TLN2: variants seen among roughly 807,000 people sequenced by gnomAD.
TLN2 encodes talin 2, also known as talin-2.
TLN2 carries 118 observed loss-of-function variants against 294.7 expected under a neutral mutation model. The observed-to-expected ratio is 0.40, with a 90% CI of 0.34 to 0.47. The LOEUF is 0.47. Among genes scored for constraint, TLN2 ranks in the 20% least tolerant of loss-of-function variants. TLN2 has a pLI of 0.84. For missense variants in TLN2, 3,083 were observed against 3,282.2 expected (o/e 0.94, Z 1.48); for synonymous variants, 1,431 against 1,304.5 (o/e 1.10, Z -2.09).
chr15:62,499,244 TC>T (rs2140425724), intron 1 of TLN2, among the ~76,000 whole-genome samples: 1 of 151,800 alleles, frequency 6.6e-6, no homozygotes, highest in Admixed American at 6.6e-5. Flanking sequence ...AGCTCAGGAG[TC>T]CAAGATCAGC....
chr15:62,500,207 G>A (rs1303394098), intron 1 of TLN2, among the ~76,000 whole-genome samples: 3 of 152,056 alleles, frequency 2.0e-5, no homozygotes, highest in Admixed American at 6.6e-5. Flanking sequence ...GTGTGGTGGC[G>A]CATGCCTGTA....
chr15:62,404,413 A>T (rs2033248152), intron 1 of TLN2, among the ~76,000 whole-genome samples: 1 of 151,912 alleles, frequency 6.6e-6, no homozygotes, highest in African/African-American at 2.4e-5. Flanking sequence ...TTGGTGAATC[A>T]CTCATCCCCA....
chr15:62,650,450 C>T (rs1003276928), intron 5 of TLN2, among the ~76,000 whole-genome samples: 1 of 152,116 alleles, frequency 6.6e-6, no homozygotes, highest in Non-Finnish European at 1.5e-5. Flanking sequence ...AGATAAGATA[C>T]AGCATCTTAC....
intron 1 of TLN2, among the ~76,000 whole-genome samples, chr15:62,484,506 A>G (rs1595908617): frequency 6.6e-6 from 1 of 151,608 alleles, no homozygotes; most frequent in Non-Finnish European, 1.5e-5. Context: ...GCTCACTGCA[A>G]CCTCCACCTC....
In TLN2 at chr15:62,752,302, C is replaced by T. The variant is rs2061981330; in HGVS notation, c.4210-3C>T. 1 of 1,613,804 alleles carries T rather than the reference C, an allele frequency of 6.2e-7. No homozygotes were observed. Among genetic ancestry groups the T allele is most frequent in the Middle Eastern group, 1.7e-4 (1 of 6,060 alleles). ...AGAATGTTGCTGGCCGTTTGTTTTG[C>T]AGGTTCTGGGTGAATCGATGGCAGG... On this transcript the variant is annotated splice_region_variant and splice_polypyrimidine_tract_variant and intron_variant, in intron 34 of 58. Coordinates refer to ENST00000636159, the MANE Select transcript of TLN2 (RefSeq NM_015059.3).
At chr15:62,674,541 C>T (rs1375509640) in intron 10 of TLN2, among the ~76,000 whole-genome samples, 3 of 145,270 alleles carry the variant, frequency 2.1e-5, no homozygotes, top group South Asian at 2.2e-4. Context: ...AGAGCCAAGA[C>T]GGAGTGCAAT....
intron 1 of TLN2, among the ~76,000 whole-genome samples, chr15:62,473,230 GC>G (rs1224799081): frequency 6.6e-6 from 1 of 152,118 alleles, no homozygotes. Context: ...TCCTTGTCAG[GC>G]CCCACCCCTT....
chr15:62,816,413 C>A (rs1435755771), intron 52 of TLN2, among the ~76,000 whole-genome samples: 1 of 152,336 alleles, frequency 6.6e-6, no homozygotes, highest in South Asian at 2.1e-4. Flanking sequence ...ACTGGCAGAG[C>A]TTTAATTTGG....
At chr15:62,565,484 A>G (rs992788422) in intron 1 of TLN2, among the ~76,000 whole-genome samples, 1 of 152,226 alleles carries the variant, frequency 6.6e-6, no homozygotes, top group Non-Finnish European at 1.5e-5. Flanking sequence ...AAGAGCAGCA[A>G]TTAACATACC....
At chr15:62,768,615 T>C (rs2063165056) in intron 41 of TLN2, among the ~76,000 whole-genome samples, 1 of 152,242 alleles carries the variant, frequency 6.6e-6, no homozygotes, top group African/African-American at 2.4e-5. Flanking sequence ...GACCTAGGAA[T>C]GAACGTTATG....
At chr15:62,430,139 A>G (rs1488749091) in intron 1 of TLN2, among the ~76,000 whole-genome samples, 1 of 152,248 alleles carries the variant, frequency 6.6e-6, no homozygotes, top group African/African-American at 2.4e-5. Context: ...CTGTGTTTAC[A>G]TATTCTGAAC....
At chr15:62,653,861 G>C (rs529428874) in intron 7 of TLN2, among the ~76,000 whole-genome samples, 35 of 151,734 alleles carry the variant, frequency 2.3e-4, no homozygotes, top group African/African-American at 8.2e-4. Flanking sequence ...TTTTTTAATA[G>C]TGTGAACTGG....
intron 30 of TLN2, among the ~76,000 whole-genome samples, 195 bp from the exon 31 acceptor site, chr15:62,739,153 A>G (rs2061183525): frequency 6.6e-6 from 1 of 152,214 alleles, no homozygotes; most frequent in South Asian, 2.1e-4. Context: ...TGTTTGATAC[A>G]TTTAAATGAA....
intron 1 of TLN2, among the ~76,000 whole-genome samples, chr15:62,427,117 T>C (rs1270860022): frequency 6.6e-6 from 1 of 152,124 alleles, no homozygotes; most frequent in Admixed American, 6.5e-5. Context: ...TTGGCCTGGG[T>C]ACTTCAGTGG....
At chr15:62,497,828 G>C (rs980329270) in intron 1 of TLN2, among the ~76,000 whole-genome samples, 1 of 152,058 alleles carries the variant, frequency 6.6e-6, no homozygotes, top group Non-Finnish European at 1.5e-5. Flanking sequence ...CCATGGTGGG[G>C]TTTTGGCTGC....
chr15:62,542,230 C>T (rs368035800), intron 1 of TLN2, among the ~76,000 whole-genome samples: 1 of 152,050 alleles, frequency 6.6e-6, no homozygotes, highest in Admixed American at 6.6e-5. Flanking sequence ...CTCGCTCTTT[C>T]GCCCAGGCTG....
rs188672638 is a variant in TLN2 at position 62,556,716 on chromosome 15, T to A, written c.-237-32971T>A. ...AAGTTTTACTGCTACTGCCTTCTTT[T>A]GAGTACTTTATTTTGTTTTTCTGTC... On this transcript the variant is annotated intron_variant, in intron 1 of 58. Coordinates refer to ENST00000636159, the MANE Select transcript of TLN2 (RefSeq NM_015059.3). Among the ~76,000 whole-genome samples the A allele has an allele frequency of 8.9e-4, 136 of 152,338 alleles. 1 individual carries two copies. Among genetic ancestry groups the A allele is most frequent in the Non-Finnish European group, 1.5e-3 (104 of 68,026 alleles).
intron 1 of TLN2, among the ~76,000 whole-genome samples, chr15:62,574,890 T>G (rs1434368749): frequency 6.6e-6 from 1 of 152,156 alleles, no homozygotes; most frequent in Non-Finnish European, 1.5e-5. Context: ...ATACAGAGTC[T>G]CAGCTCACTT....
intron 23 of TLN2, 121 bp from the exon 24 acceptor site, chr15:62,717,455 C>T (rs1418180772): frequency 1.9e-6 from 1 of 537,644 alleles, no homozygotes; most frequent in Non-Finnish European, 3.0e-6. Flanking sequence ...AAAGGCAAAG[C>T]CTGCTCTTTG....
Sources: allele counts gnomAD v4.1 joint callset (sites outside exome capture counted in the v4.1 genomes callset), GRCh38; gene constraint gnomAD v4.1.1; transcripts MANE v1.5; gene names NCBI Gene and HGNC (gene_info 2026-07-23, HGNC 2026-07-21).